The following CCAR2 variants were observed in gnomAD, a reference collection of about 807,000 sequenced individuals.
CCAR2 encodes the protein cell cycle and apoptosis regulator protein 2.
CCAR2 carries 21 observed loss-of-function variants against 108.1 expected under a neutral mutation model. The ratio of observed to expected loss-of-function variants is 0.19; its 90% CI spans 0.14 to 0.28. The LOEUF is 0.28. CCAR2 is among the 10% of genes least tolerant of loss of function. The pLI, the probability that CCAR2 is intolerant of heterozygous loss-of-function variation, is 1.00. For missense variants in CCAR2, 1,126 were observed against 1,177.0 expected (o/e 0.96, Z 0.63); for synonymous variants, 577 against 472.8 (o/e 1.22, Z -2.86).
chr8:22,607,104 G>T, intron 5 of CCAR2, 80 bp downstream of exon 5: 1 of 1,608,774 alleles, frequency 6.2e-7, no homozygotes, highest in South Asian at 1.1e-5. Flanking sequence ...GCAAAACCCT[G>T]ACTTTTGTCA....
chr8:22,604,926 G>A, intron 1 of CCAR2, 84 bp downstream of exon 1: 1 of 365,504 alleles, frequency 2.7e-6, no homozygotes, highest in East Asian at 8.6e-5. Flanking sequence ...GGGCCGGGCG[G>A]CGAAGATGCG....
At chr8:22,621,314 C>G (rs549133253), downstream of CCAR2, 1 of 1,415,350 alleles carries the variant, frequency 7.1e-7, no homozygotes, top group Non-Finnish European at 9.4e-7. Context: ...GGCAAGTGAA[C>G]CAGGGCCACC....
Position 22,618,456 on chromosome 8 carries a change from G to A in CCAR2, c.2181G>A (p.Arg727=), listed in dbSNP as rs200879988. 51 of 1,614,078 alleles carry A rather than the reference G, an allele frequency of 3.2e-5. No homozygotes were observed. Among genetic ancestry groups the A allele is most frequent in the East Asian group, 1.1e-4 (5 of 44,892 alleles). ...ACTTGCACCGGCGAGACTTAGAGAGGATCCTCCTTACCCTTGGGATCCGGC... is the reference window on the plus strand; with the variant it reads ...ACTTGCACCGGCGAGACTTAGAGAGAATCCTCCTTACCCTTGGGATCCGGC... ...CGYLHRRDLE[R]ILLTLGIRLS... Residue 727 remains arginine, a synonymous_variant, in exon 17 of 21, where the codon AGG becomes AGA. Coordinates refer to ENST00000308511, the MANE Select transcript of CCAR2 (RefSeq NM_001393997.1).
In CCAR2 at chr8:22,616,901, A is replaced by AT. The variant is rs1174226616; in HGVS notation, c.1846-519_1846-518insT. Among the ~76,000 whole-genome samples the AT allele has an allele frequency of 7.0e-4, 31 of 44,106 alleles. 1 individual carries two copies. Among genetic ancestry groups the AT allele is most frequent in the African/African-American group, 1.4e-3 (16 of 11,292 alleles). 28.9% of individuals were successfully genotyped at this position (44,106 alleles called of 152,430 possible). A position where few individuals can be genotyped will look rare whatever the true frequency, so the allele number is the denominator to read the frequency against. The stretch of plus-strand genomic sequence containing the variant: ...TTTTTTTTTTTTTTTTTTTTTGGGG[A>AT]GATGGAGTCTTGCTCTGTCACCCAG... On this transcript the variant is annotated intron_variant, in intron 14 of 20. Coordinates refer to ENST00000308511, the MANE Select transcript of CCAR2 (RefSeq NM_001393997.1).
Position 22,619,471 on chromosome 8 carries a change from G to C in CCAR2, c.2727+116G>C, listed in dbSNP as rs576376523. ...CAGAGGGCCAGCAGGCACCGGCTTC[G>C]TCTTTCCATCGCTTGCCAGGCAGTG... is the stretch of plus-strand genomic sequence containing the variant. On this transcript the variant is annotated intron_variant, in intron 20 of 20. Coordinates refer to ENST00000308511, the MANE Select transcript of CCAR2 (RefSeq NM_001393997.1). 2.1e-6 allele frequency: 3 copies of C among 1,425,112 alleles called. No homozygotes were observed. The African/African-American group carries it at 4.3e-5, about 20-fold the overall frequency. 88.3% of individuals were successfully genotyped at this position (1,425,112 alleles called of 1,614,324 possible). A position where few individuals can be genotyped will look rare whatever the true frequency, so the allele number is the denominator to read the frequency against.
intron 1 of CCAR2, 187 bp downstream of exon 1, chr8:22,605,029 A>G (rs142286316): frequency 3.1e-4 from 92 of 300,326 alleles, no homozygotes; most frequent in African/African-American, 1.9e-3. Flanking sequence ...GAGGAGGAGA[A>G]ACCGCGCGCC....
Position 22,605,765 on chromosome 8 carries a change from G to A in CCAR2, c.-9G>A. 1.2e-6 allele frequency: 2 copies of A among 1,613,052 alleles called. No homozygotes were observed. Among genetic ancestry groups the A allele is most frequent in the Non-Finnish European group, 1.7e-6 (2 of 1,179,146 alleles). ...TTCCCCACGACTCTGAAAGAGGACA[G>A]CGTTCCCAATGTCCCAGTTTAAGCG... On this transcript the variant is annotated 5_prime_UTR_variant, in exon 2 of 21. Transcript: ENST00000308511.
In CCAR2 at chr8:22,606,983, G is replaced by A; in HGVS notation, c.316G>A (p.Val106Met). Residue 106 changes from valine (V) to methionine (M), a missense_variant, in exon 5 of 21, where the codon GTG becomes ATG. Transcript: ENST00000308511. The part of the protein sequence containing the change: ...VKAAYNPGQA[V>M]PWNAVKVQTL... ...GGCTGCATACAACCCAGGCCAGGCA[G>A]TGCCCTGGAATGCTGTCAAGGTGCA... 6.2e-7 allele frequency: 1 copy of A among 1,614,180 alleles called. No individual in the cohort carries two copies. Among genetic ancestry groups the A allele is most frequent in the Non-Finnish European group, 8.5e-7 (1 of 1,180,038 alleles).
At chr8:22,609,151 A>C (rs1801190559) in intron 7 of CCAR2, among the ~76,000 whole-genome samples, 1 of 151,694 alleles carries the variant, frequency 6.6e-6, no homozygotes, top group African/African-American at 2.4e-5. Context: ...CTCTGGCACA[A>C]GCCATCCTCC....
chr8:22,615,569 A>C lies in CCAR2; in HGVS notation c.1350A>C (p.Ala450=). ...TGTGCCAGCAGAAAGCTGCAGAGGC[A>C]GCTCCCCCAACCCAGGAGGCACAAG... ...EALCQQKAAE[A]APPTQEAQGE... Residue 450 remains alanine, a synonymous_variant, in exon 12 of 21, where the codon GCA becomes GCC. Transcript: ENST00000308511. 2.5e-6 allele frequency: 4 copies of C among 1,613,936 alleles called. No individual in the cohort carries two copies. The highest frequency in any genetic ancestry group is 3.4e-6 in the Non-Finnish European group (4 of 1,180,022).
At position 22,607,896 on chromosome 8, in the gene CCAR2, G is replaced by C. The variant is rs964973016; in HGVS notation, c.488-73G>C. 3.3e-5 allele frequency: 40 copies of C among 1,196,098 alleles called. No homozygotes were observed. In the African/African-American group the frequency reaches 5.7e-4, roughly 17 times the overall value. 74.1% of individuals were successfully genotyped at this position (1,196,098 alleles called of 1,614,324 possible). A position where few individuals can be genotyped will look rare whatever the true frequency, so the allele number is the denominator to read the frequency against. ...CTGCACTGTCCTCTCAAAGTGCTGG[G>C]ATTACAGGTGTGAGCTATTGCACCC... On this transcript the variant is annotated intron_variant, in intron 6 of 20. Coordinates refer to ENST00000308511, the MANE Select transcript of CCAR2 (RefSeq NM_001393997.1).
chr8:22,613,409 C>T (rs1374940505), intron 8 of CCAR2, among the ~76,000 whole-genome samples: 5 of 136,184 alleles, frequency 3.7e-5, no homozygotes. Flanking sequence ...AATGGATGAA[C>T]ATGATTTATT....
chr8:22,616,499 G>C (rs1563923302), intron 14 of CCAR2: 1 of 541,824 alleles, frequency 1.8e-6, no homozygotes, highest in African/African-American at 1.9e-5. Context: ...AGAGTGGGGT[G>C]CTTTGATTGC....
At chr8:22,615,628 T>C (rs776290273) in intron 12 of CCAR2, 32 bp downstream of exon 12, 39 of 1,613,612 alleles carry the variant, frequency 2.4e-5, no homozygotes, top group Non-Finnish European at 3.2e-5. Context: ...CAGCGGGGGA[T>C]ATAGGTGGCC....
intron 7 of CCAR2, among the ~76,000 whole-genome samples, chr8:22,610,925 A>G (rs535022981): frequency 6.6e-6 from 1 of 152,300 alleles, no homozygotes; most frequent in African/African-American, 2.4e-5. Flanking sequence ...CTCCTCAACT[A>G]TTTTTATTTA....
In CCAR2 at chr8:22,619,143, C is replaced by T; in HGVS notation, c.2522-7C>T. On this transcript the variant is annotated splice_polypyrimidine_tract_variant and splice_region_variant and intron_variant, in intron 19 of 20. Coordinates refer to ENST00000308511, the MANE Select transcript of CCAR2 (RefSeq NM_001393997.1). ...CAGCCGTCCCCGTTTCCTTCTCCACCTTGCAGAGGAGAGCCATAACCGTTT... is the reference window on the plus strand; with the variant it reads ...CAGCCGTCCCCGTTTCCTTCTCCACTTTGCAGAGGAGAGCCATAACCGTTT... 1 of 1,603,882 alleles carries T rather than the reference C, an allele frequency of 6.2e-7. No individual in the cohort carries two copies. The highest frequency in any genetic ancestry group is 1.1e-5 in the South Asian group (1 of 90,436).
chr8:22,606,312 C>T, intron 3 of CCAR2, 136 bp downstream of exon 3: 1 of 796,728 alleles, frequency 1.3e-6, no homozygotes, highest in Non-Finnish European at 2.1e-6. Flanking sequence ...ATGGGGTTGC[C>T]CAGATAGCCT....
chr8:22,619,212 C>G lies in CCAR2; in HGVS notation c.2584C>G (p.Gln862Glu). ...CAATAAGACGCTGGCGGCAGAGATG[C>G]AGGAGCTGCGAGTCCGGCTGGCGGA... ...VTNKTLAAEMQELRVRLAEAE... is the reference protein window; with the variant it reads ...VTNKTLAAEMEELRVRLAEAE... Residue 862 changes from glutamine (Q) to glutamate (E), a missense_variant, in exon 20 of 21, where the codon CAG becomes GAG. Around this residue, in one of 4 missense-constraint regions of CCAR2, gnomAD observed 1,013 missense variants for 993.9 expected, o/e 1.02. Coordinates refer to ENST00000308511, the MANE Select transcript of CCAR2 (RefSeq NM_001393997.1). 1 of 1,583,346 alleles carries G rather than the reference C, an allele frequency of 6.3e-7. No homozygotes were observed. Among genetic ancestry groups the G allele is most frequent in the South Asian group, 1.1e-5 (1 of 87,666 alleles).
Position 22,614,318 on chromosome 8 carries a change from A to G in CCAR2, c.927+4A>G. The G allele has an allele frequency of 6.2e-7, 1 of 1,614,080 alleles. No homozygotes were observed. Among genetic ancestry groups the G allele is most frequent in the East Asian group, 2.2e-5 (1 of 44,888 alleles). ...TGACCCCGCTTATAGTTCGAAGGTA[A>G]GCTGACAGGCGTCTCTCACTTATCT... On this transcript the variant is annotated splice_donor_region_variant and intron_variant, in intron 9 of 20. Transcript: ENST00000308511.
Sources: allele counts gnomAD v4.1 joint callset (sites outside exome capture counted in the v4.1 genomes callset), GRCh38; gene constraint gnomAD v4.1.1; regional missense constraint gnomAD v4.1.1; transcripts MANE v1.5; gene names NCBI Gene and HGNC (gene_info 2026-07-23, HGNC 2026-07-21).